The following RFX7 variants were observed in gnomAD, a reference collection of about 807,000 sequenced individuals.
The protein encoded by RFX7 is DNA-binding protein RFX7.
In RFX7, 26 loss-of-function variants were observed where a neutral mutation model predicts 111.8. That is an observed-to-expected ratio of 0.23 (90% CI 0.17 to 0.32). RFX7 has a LOEUF of 0.32. RFX7 is among the 10% of genes least tolerant of loss of function. RFX7 has a pLI of 1.00. For synonymous variants in RFX7, 624 were observed against 624.4 expected (o/e 1.00, Z 0.01); for missense variants, 1,573 against 1,772.9 (o/e 0.89, Z 2.02).
chr15:56,146,050 C>T (rs1186878371), intron 3 of RFX7, among the ~76,000 whole-genome samples: 5 of 152,096 alleles, frequency 3.3e-5, no homozygotes, highest in Admixed American at 2.6e-4. Context: ...TTCCTACCTC[C>T]GATGTCACCC....
At position 56,124,865 on chromosome 15, in the gene RFX7, A is replaced by G. The variant is rs79171332; in HGVS notation, c.401+17913T>C. Among the ~76,000 whole-genome samples the G allele has an allele frequency of 9.1e-3, 1,393 of 152,304 alleles. 11 individuals are homozygous for G. The highest frequency in any genetic ancestry group is 0.015 in the Non-Finnish European group (1,023 of 68,022). ...CTGTGAAGAAGCTTTTTGATCTGAT[A>G]TAATGCCATTGGTTTACTTTTGCTT... On this transcript the variant is annotated intron_variant, in intron 5 of 9. Coordinates refer to ENST00000559447, the MANE Select transcript of RFX7 (RefSeq NM_022841.7).
rs1037054664 is a variant in RFX7 at position 56,093,145 on chromosome 15, C to T, written c.*200G>A. ...TAAAATTTAAAACCTAATACTTGTT[C>T]TTCTACAGCCTACTGTCTTTAGACA... On this transcript the variant is annotated 3_prime_UTR_variant, in exon 10 of 10. Coordinates refer to ENST00000559447, the MANE Select transcript of RFX7 (RefSeq NM_022841.7). The T allele has an allele frequency of 2.5e-5, 13 of 512,308 alleles. No individual in the cohort carries two copies. The highest frequency in any genetic ancestry group is 1.4e-4 in the Admixed American group (4 of 29,318). 31.7% of individuals were successfully genotyped at this position (512,308 alleles called of 1,614,324 possible). A position where few individuals can be genotyped will look rare whatever the true frequency, so the allele number is the denominator to read the frequency against.
At chr15:56,233,779 G>A (rs149598843) in intron 2 of RFX7, among the ~76,000 whole-genome samples, 5 of 152,194 alleles carry the variant, frequency 3.3e-5, no homozygotes, top group African/African-American at 4.8e-5. Context: ...GTGGCAACCT[G>A]TACTCTGGTA....
intron 5 of RFX7, among the ~76,000 whole-genome samples, chr15:56,142,054 C>T (rs992996179): frequency 2.6e-5 from 4 of 152,054 alleles, no homozygotes; most frequent in Non-Finnish European, 5.9e-5. Context: ...TTTGTAAGTA[C>T]AACACATTAA....
chr15:56,102,357 GACATA>G, intron 6 of RFX7, 104 bp from the exon 7 acceptor site: 1 of 595,182 alleles, frequency 1.7e-6, no homozygotes, highest in South Asian at 2.8e-5. Flanking sequence ...AAATCAACAT[GACATA>G]ACATCTACTT....
rs2043728773 is a variant in RFX7 at position 56,243,135 on chromosome 15, T to C, written c.151A>G (p.Asn51Asp). The change falls in exon 2 of 10, where the codon AAC (asparagine) becomes GAC (aspartate). Residue 51 changes from asparagine to aspartate, a missense_variant. Transcript: ENST00000559447. ...GGAGGATCCTCTTACCAGATGGAGT[T>C]CTTGATCTTGTGTTGCAGCGCGCTG... is the stretch of plus-strand genomic sequence containing the variant. ...EASALQHKIK[N>D]SICKTVQSKV... 1.5e-6 allele frequency: 2 copies of C among 1,361,948 alleles called. No individual in the cohort carries two copies. Among genetic ancestry groups the C allele is most frequent in the African/African-American group, 1.5e-5 (1 of 67,250 alleles). 84.4% of individuals were successfully genotyped at this position (1,361,948 alleles called of 1,614,324 possible).
Position 56,094,407 on chromosome 15 carries a change from A to G in RFX7, c.3321T>C (p.Tyr1107=), listed in dbSNP as rs780130280. ...TGTCATGATGTCTGGATTGAGACTG[A>G]TAAGACTGTCCAGGCACAGCAAAAG... The part of the protein sequence containing the change: ...PHAFAVPGQS[Y]QSQSRHHDTH... Residue 1107 remains tyrosine, a synonymous_variant, in exon 10 of 10, where the codon TAT becomes TAC. Transcript: ENST00000559447. 4.6e-5 allele frequency: 74 copies of G among 1,613,888 alleles called. No homozygotes were observed. The Middle Eastern group carries it at 6.6e-4, about 14-fold the overall frequency.
Position 56,096,581 on chromosome 15 carries a change from T to A in RFX7, c.1147A>T (p.Met383Leu). 6.3e-7 allele frequency: 1 copy of A among 1,594,608 alleles called. No homozygotes were observed. Among genetic ancestry groups the A allele is most frequent in the Non-Finnish European group, 8.5e-7 (1 of 1,169,918 alleles). Reference protein sequence around the residue: ...TRQLVTSPSPMSSSDGKVLPL... With the variant: ...TRQLVTSPSPLSSSDGKVLPL... Reference sequence around the variant, plus strand: ...AGAACTTTGCCGTCAGAAGAACTCATTGGACTCGGTGAAGTTACCAATTGC... The same window carrying A: ...AGAACTTTGCCGTCAGAAGAACTCAATGGACTCGGTGAAGTTACCAATTGC... The change falls in exon 10 of 10, where the codon ATG becomes TTG. Residue 383 changes from methionine (M) to leucine (L), a missense_variant. Transcript: ENST00000559447.
chr15:56,184,018 T>C (rs1478530008), intron 2 of RFX7, among the ~76,000 whole-genome samples: 1 of 149,088 alleles, frequency 6.7e-6, no homozygotes, highest in African/African-American at 2.5e-5. Flanking sequence ...TAACAGCATG[T>C]AGTTGTTTTT....
At chr15:56,121,593 TTCTC>T (rs1281583387) in intron 5 of RFX7, among the ~76,000 whole-genome samples, 1 of 152,216 alleles carries the variant, frequency 6.6e-6, no homozygotes, top group Non-Finnish European at 1.5e-5. Context: ...TTCTCTGTTA[TTCTC>T]TCTTTGAATA....
intron 5 of RFX7, among the ~76,000 whole-genome samples, chr15:56,132,224 C>T (rs138839116): frequency 6.6e-6 from 1 of 151,832 alleles, no homozygotes; most frequent in Non-Finnish European, 1.5e-5. Flanking sequence ...AAAACTGATT[C>T]GCAACTTCCT....
intron 2 of RFX7, among the ~76,000 whole-genome samples, chr15:56,238,381 TCA>T (rs2043648028): frequency 6.6e-6 from 1 of 152,126 alleles, no homozygotes; most frequent in African/African-American, 2.4e-5. Context: ...CCAAAATAGA[TCA>T]TATATATAAT....
At chr15:56,238,593 G>A (rs1202480112) in intron 2 of RFX7, among the ~76,000 whole-genome samples, 9 of 152,068 alleles carry the variant, frequency 5.9e-5, no homozygotes, top group African/African-American at 1.9e-4. Context: ...TTATATGACC[G>A]TTTTAAGAAG....
At chr15:56,096,741 A>G (rs903546137) in intron 9 of RFX7, 121 bp from the exon 10 acceptor site, 28 of 1,101,010 alleles carry the variant, frequency 2.5e-5, no homozygotes, top group Middle Eastern at 2.8e-4. Context: ...AAAAGTTCCT[A>G]TGTTAGAAGA....
At chr15:56,223,958 T>C (rs2141219326) in intron 2 of RFX7, among the ~76,000 whole-genome samples, 1 of 152,048 alleles carries the variant, frequency 6.6e-6, no homozygotes, top group East Asian at 1.9e-4. Flanking sequence ...ACATTATACA[T>C]AAACAACAGA....
chr15:56,219,513 C>A (rs1026110583), intron 2 of RFX7, among the ~76,000 whole-genome samples: 1 of 152,160 alleles, frequency 6.6e-6, no homozygotes. Context: ...TTTTTTAACC[C>A]TTACCCTCTA....
intron 3 of RFX7, among the ~76,000 whole-genome samples, chr15:56,149,410 A>G (rs2042535477): frequency 6.6e-6 from 1 of 152,192 alleles, no homozygotes; most frequent in South Asian, 2.1e-4. Flanking sequence ...TGCAGATAAA[A>G]ATGTGGAAAC....
At chr15:56,224,467 T>TTGTGTGTGTATGTGTG (rs1555426683) in intron 2 of RFX7, among the ~76,000 whole-genome samples, 2 of 147,310 alleles carry the variant, frequency 1.4e-5, no homozygotes, top group Non-Finnish European at 3.0e-5. Flanking sequence ...GATTAGGATT[T>TTGTGTGTGTATGTGTG]TGTGTGTGTG....
At position 56,101,529 on chromosome 15, in the gene RFX7, A is replaced by T. The variant is rs777000241; in HGVS notation, c.641T>A (p.Ile214Asn). The T allele has an allele frequency of 1.2e-6, 2 of 1,613,788 alleles. No homozygotes were observed. The highest frequency in any genetic ancestry group is 1.7e-6 in the Non-Finnish European group (2 of 1,179,776). The change falls in exon 8 of 10, where the codon ATT (isoleucine) becomes AAT (asparagine). Residue 214 changes from isoleucine to asparagine, a missense_variant. Around this residue, in one of 7 missense-constraint regions of RFX7, gnomAD observed 288 missense variants for 337.9 expected, o/e 0.85. Coordinates refer to ENST00000559447, the MANE Select transcript of RFX7 (RefSeq NM_022841.7). ...GAEPSGQLQNIDEEVISSACR... is the reference protein window; with the variant it reads ...GAEPSGQLQNNDEEVISSACR... ...AGCAGAAGAGATAACTTCTTCATCAATATTTTGAAGCTGCCCAGAAGGTTC... is the reference window on the plus strand; with the variant it reads ...AGCAGAAGAGATAACTTCTTCATCATTATTTTGAAGCTGCCCAGAAGGTTC...
Sources: allele counts gnomAD v4.1 joint callset (sites outside exome capture counted in the v4.1 genomes callset), GRCh38; gene constraint gnomAD v4.1.1; regional missense constraint gnomAD v4.1.1; transcripts MANE v1.5; gene names NCBI Gene and HGNC (gene_info 2026-07-23, HGNC 2026-07-21).